The following PLCE1 variants were observed in gnomAD, a reference collection of about 807,000 sequenced individuals.
PLCE1 encodes phospholipase C epsilon 1.
PLCE1 carries 119 observed loss-of-function variants against 242.8 expected under a neutral mutation model. That is an observed-to-expected ratio of 0.49 (90% CI 0.42 to 0.57). The LOEUF (loss-of-function observed/expected upper bound fraction) is 0.57, where lower values mean the gene tolerates loss of function less well. Among genes scored for constraint, PLCE1 ranks in the 20% least tolerant of loss-of-function variants. PLCE1 has a pLI of 0.00. For missense variants in PLCE1, 2,441 were observed against 2,788.8 expected, an observed-to-expected ratio of 0.88 and a Z score of 2.81; for synonymous variants, 945 against 1,017.4, an observed-to-expected ratio of 0.93 and a Z score of 1.35.
intron 2 of PLCE1, among the ~76,000 whole-genome samples, chr10:94,044,489 C>A (rs533274175): frequency 6.6e-6 from 1 of 152,300 alleles, no homozygotes; most frequent in East Asian, 1.9e-4. Context: ...ATATTTTAAG[C>A]AAAGGTAAAA....
chr10:94,048,896 G>A (rs1293487043), intron 2 of PLCE1, among the ~76,000 whole-genome samples: 1 of 151,258 alleles, frequency 6.6e-6, no homozygotes, highest in Non-Finnish European at 1.5e-5. Flanking sequence ...AGCCTCCCGA[G>A]TAGCTGGGAC....
chr10:94,135,420 G>C (rs9663362), intron 3 of PLCE1, among the ~76,000 whole-genome samples: 85,438 of 151,892 alleles, frequency 0.56, 25,066 homozygotes, highest in African/African-American at 0.72. Context: ...ATGTGGTTGT[G>C]AGCTTTTTTT....
intron 1 of PLCE1, among the ~76,000 whole-genome samples, chr10:94,019,101 AC>A (rs2061330219): frequency 1.3e-5 from 2 of 152,196 alleles, no homozygotes; most frequent in Admixed American, 6.5e-5. Flanking sequence ...TACATGAGAA[AC>A]TTATTTTTCC....
intron 4 of PLCE1, among the ~76,000 whole-genome samples, chr10:94,215,936 A>G (rs1334264382): frequency 6.6e-6 from 1 of 152,104 alleles, no homozygotes; most frequent in Non-Finnish European, 1.5e-5. Context: ...AAATAAAATA[A>G]AATAGGCCAA....
chr10:94,177,268 C>T lies in PLCE1; in HGVS notation c.1809+5772C>T, dbSNP rs150133072. On this transcript the variant is annotated intron_variant, in intron 4 of 32. Coordinates refer to ENST00000371380, the MANE Select transcript of PLCE1 (RefSeq NM_016341.4). ...CATTAATGAAGGCCTGGAGATAAATCATTTAAAATCAGTTTGGATTGTGGC... is the reference window on the plus strand; with the variant it reads ...CATTAATGAAGGCCTGGAGATAAATTATTTAAAATCAGTTTGGATTGTGGC... Among the ~76,000 whole-genome samples, 921 of 152,290 alleles carry T rather than the reference C, an allele frequency of 6.0e-3. 2 individuals are homozygous for T. Among genetic ancestry groups the T allele is most frequent in the Admixed American group, 0.011 (167 of 15,280 alleles).
At chr10:94,161,280 C>G (rs1192237529) in intron 3 of PLCE1, among the ~76,000 whole-genome samples, 6 of 152,152 alleles carry the variant, frequency 3.9e-5, no homozygotes, top group Non-Finnish European at 8.8e-5. Flanking sequence ...ATTGATTCTT[C>G]CTATCCATGA....
chr10:94,278,829 C>T (rs1333452322), intron 19 of PLCE1, among the ~76,000 whole-genome samples: 1 of 151,846 alleles, frequency 6.6e-6, no homozygotes, highest in African/African-American at 2.4e-5. Context: ...TAGCTATTAT[C>T]TGTATGCACA....
chr10:94,114,730 G>GT (rs1050828806), intron 2 of PLCE1, among the ~76,000 whole-genome samples: 37 of 145,164 alleles, frequency 2.5e-4, no homozygotes, highest in South Asian at 6.8e-4. Flanking sequence ...TATGCCCTAT[G>GT]TTTTTTTTTG....
chr10:94,259,519 C>G (rs144896301), intron 13 of PLCE1, among the ~76,000 whole-genome samples: 3 of 152,112 alleles, frequency 2.0e-5, no homozygotes, highest in Admixed American at 2.0e-4. Context: ...CTCCTGACCT[C>G]GTGATCTGCC....
chr10:94,025,777 A>G (rs1173341380), intron 1 of PLCE1, among the ~76,000 whole-genome samples: 2 of 152,096 alleles, frequency 1.3e-5, no homozygotes, highest in South Asian at 2.1e-4. Context: ...CCATTTCCTC[A>G]TCTCAATTCT....
chr10:94,212,226 A>G (rs1444625208), intron 4 of PLCE1, among the ~76,000 whole-genome samples: 1 of 152,100 alleles, frequency 6.6e-6, no homozygotes, highest in East Asian at 1.9e-4. Flanking sequence ...AGCTGGAATT[A>G]CATGTGCATG....
intron 1 of PLCE1, among the ~76,000 whole-genome samples, chr10:93,997,231 G>C (rs1249341402): frequency 6.6e-6 from 1 of 152,184 alleles, no homozygotes; most frequent in Non-Finnish European, 1.5e-5. Context: ...GAAGTGACGT[G>C]AGGTTATGAC....
chr10:94,184,418 C>T (rs556117213), intron 4 of PLCE1, among the ~76,000 whole-genome samples: 3 of 152,236 alleles, frequency 2.0e-5, no homozygotes, highest in Non-Finnish European at 4.4e-5. Flanking sequence ...CAACCTCCAC[C>T]TCCTGGGTTG....
rs564510407 is a variant in PLCE1, at chr10:94,115,220, A to G, written c.1207-16954A>G. Among the ~76,000 whole-genome samples the G allele has an allele frequency of 2.6e-5, 4 of 152,320 alleles. No homozygotes were observed. In the East Asian group the frequency reaches 5.8e-4, roughly 22 times the overall value. On this transcript the variant is annotated intron_variant, in intron 2 of 32. Transcript: ENST00000371380. ...CTTTGCTATTGTGAATAGTGCGGCA[A>G]TAAACATACGTGTGCATGTGTCTTT... is the stretch of plus-strand genomic sequence containing the variant.
At chr10:94,003,905 T>C (rs2060983659) in intron 1 of PLCE1, among the ~76,000 whole-genome samples, 1 of 152,158 alleles carries the variant, frequency 6.6e-6, no homozygotes, top group South Asian at 2.1e-4. Context: ...CCCAGCACTA[T>C]GGGAGGCTGA....
intron 2 of PLCE1, among the ~76,000 whole-genome samples, chr10:94,054,866 G>A (rs752426493): frequency 8.5e-5 from 13 of 152,062 alleles, no homozygotes; most frequent in Non-Finnish European, 1.6e-4. Flanking sequence ...CAAAAAATTA[G>A]CTGGACGTGG....
At chr10:94,177,575 TTCTC>T (rs1206869232) in intron 4 of PLCE1, among the ~76,000 whole-genome samples, 2 of 152,206 alleles carry the variant, frequency 1.3e-5, no homozygotes, top group African/African-American at 2.4e-5. Flanking sequence ...CCAGTGTTCT[TTCTC>T]TCTCCTTTCA....
intron 2 of PLCE1, among the ~76,000 whole-genome samples, chr10:94,039,019 A>T (rs1024008708): frequency 6.6e-6 from 1 of 152,190 alleles, no homozygotes; most frequent in African/African-American, 2.4e-5. Context: ...TTCACTTCGC[A>T]TAATCTTTTC....
chr10:94,158,070 GT>G (rs1247193204), intron 3 of PLCE1, among the ~76,000 whole-genome samples: 1 of 152,090 alleles, frequency 6.6e-6, no homozygotes, highest in African/African-American at 2.4e-5. Context: ...ATTATTATAT[GT>G]TAAATAATAT....
Sources: gnomAD v4.1 joint callset for allele counts (sites outside exome capture counted in the v4.1 genomes callset) on GRCh38, gnomAD v4.1.1 for gene constraint, MANE v1.5 for transcripts, NCBI Gene and HGNC (gene_info 2026-07-23, HGNC 2026-07-21) for gene names.